The following TRIM21 variants were observed in gnomAD, a reference collection of about 807,000 sequenced individuals.
TRIM21 encodes tripartite motif containing 21.
Under a neutral mutation model 36.1 loss-of-function variants are expected in TRIM21, and 35 were observed. That is an observed-to-expected ratio of 0.97 (90% CI 0.74 to 1.28). TRIM21 has a LOEUF of 1.28. TRIM21 is among the 50% of genes most tolerant of loss of function. The pLI is 0.00. For missense variants in TRIM21, 635 were observed against 570.7 expected, an observed-to-expected ratio of 1.11 and a Z score of -1.15; for synonymous variants, 256 against 211.5, an observed-to-expected ratio of 1.21 and a Z score of -1.83.
At position 4,386,949 on chromosome 11, in the gene TRIM21, A is replaced by G; in HGVS notation, c.758+19T>C. 3 of 1,580,692 alleles carry G rather than the reference A, an allele frequency of 1.9e-6. No individual in the cohort carries two copies. Among genetic ancestry groups the G allele is most frequent in the Non-Finnish European group, 2.6e-6 (3 of 1,161,736 alleles). Reference sequence around the variant, plus strand: ...GCTTTCTGCTGGCCCCTCTTCTAACAAAGAAAACTCCTCCTTACCTTTCCA... The same window carrying G: ...GCTTTCTGCTGGCCCCTCTTCTAACGAAGAAAACTCCTCCTTACCTTTCCA... On this transcript the variant is annotated intron_variant, in intron 5 of 6. Transcript: ENST00000254436.
At position 4,390,411 on chromosome 11, in the gene TRIM21, G is replaced by T; in HGVS notation, c.-2C>A. The T allele has an allele frequency of 1.9e-6, 3 of 1,601,216 alleles. No homozygotes were observed. Among genetic ancestry groups the T allele is most frequent in the Non-Finnish European group, 2.6e-6 (3 of 1,170,234 alleles). ...TGTCAAGCGTGCTGCTGAAGCCATT[G>T]TCAAGTGTGCCGTTAAACAGCAGTG... On this transcript the variant is annotated 5_prime_UTR_variant, in exon 2 of 7. Coordinates refer to ENST00000254436, the MANE Select transcript of TRIM21 (RefSeq NM_003141.4).
chr11:4,385,044 T>C lies in TRIM21; in HGVS notation c.*241A>G, dbSNP rs2094954352. On this transcript the variant is annotated 3_prime_UTR_variant, in exon 7 of 7. Coordinates refer to ENST00000254436, the MANE Select transcript of TRIM21 (RefSeq NM_003141.4). ...TCCCATAAAGAAGGCAGAAACATGT[T>C]TTTGGTTGATCAAGATGAGTTTGGG... 1.7e-5 allele frequency: 8 copies of C among 468,882 alleles called. No individual in the cohort carries two copies. Among genetic ancestry groups the C allele is most frequent in the Non-Finnish European group, 3.0e-5 (8 of 267,346 alleles). 29.0% of individuals were successfully genotyped at this position (468,882 alleles called of 1,614,324 possible).
In TRIM21 at chr11:4,388,376, T is replaced by C. The variant is rs1173814921; in HGVS notation, c.659A>G (p.Gln220Arg). ...ILGEKEAKLAQQSQALQELIS... is the reference protein window; with the variant it reads ...ILGEKEAKLARQSQALQELIS... ...GAGCTCCTGTAGGGCCTGGCTCTGCTGGGCCAGCTTGGCCTCTTTCTCCCC... is the reference window on the plus strand; with the variant it reads ...GAGCTCCTGTAGGGCCTGGCTCTGCCGGGCCAGCTTGGCCTCTTTCTCCCC... The change falls in exon 4 of 7, where the codon CAG becomes CGG. Residue 220 changes from glutamine to arginine, a missense_variant. Gln to Arg is a conservative substitution (Grantham distance 43, BLOSUM62 1). Coordinates refer to ENST00000254436, the MANE Select transcript of TRIM21 (RefSeq NM_003141.4). The C allele has an allele frequency of 1.9e-6, 3 of 1,614,010 alleles. No individual in the cohort carries two copies. The highest frequency in any genetic ancestry group is 2.5e-6 in the Non-Finnish European group (3 of 1,179,898).
At position 4,385,427 on chromosome 11, in the gene TRIM21, A is replaced by C; in HGVS notation, c.1286T>G (p.Leu429Arg). The change falls in exon 7 of 7, where the codon CTC (leucine) becomes CGC (arginine). Residue 429 changes from leucine (L) to arginine (R), a missense_variant. Transcript: ENST00000254436. Reference sequence around the variant, plus strand: ...GGCACATTCAGAGAAGGAGTAGATGAGGGAGCCATGGTCAGTGATGTTGTA... The same window carrying C: ...GGCACATTCAGAGAAGGAGTAGATGCGGGAGCCATGGTCAGTGATGTTGTA... ...SFYNITDHGS[L>R]IYSFSECAFT... 1 of 1,613,702 alleles carries C rather than the reference A, an allele frequency of 6.2e-7. No homozygotes were observed. Among genetic ancestry groups the C allele is most frequent in the Non-Finnish European group, 8.5e-7 (1 of 1,179,812 alleles).
Position 4,390,473 on chromosome 11 carries a change from G to A in TRIM21, c.-49-15C>T. On this transcript the variant is annotated splice_polypyrimidine_tract_variant and intron_variant, in intron 1 of 6. Coordinates refer to ENST00000254436, the MANE Select transcript of TRIM21 (RefSeq NM_003141.4). ...AGGGGGTTTGGCTGGGAGAGAAGAA[G>A]AAAGGGAAAAGAGAATATGAGAAAG... 2.7e-6 allele frequency: 4 copies of A among 1,491,012 alleles called. No individual in the cohort carries two copies. Among genetic ancestry groups the A allele is most frequent in the African/African-American group, 1.4e-5 (1 of 71,412 alleles). The allele number at this position is 1,491,012 out of a possible 1,614,324, so 92.4% of individuals were successfully genotyped here.
In TRIM21 at chr11:4,385,151, G is replaced by C. The variant is rs2094954577; in HGVS notation, c.*134C>G. The stretch of plus-strand genomic sequence containing the variant: ...ATGTTGATGGTGAAGTGACTTCCCT[G>C]CTAAAGCTCGCTTGCTGGGATCCGG... On this transcript the variant is annotated 3_prime_UTR_variant, in exon 7 of 7. Transcript: ENST00000254436. 1.2e-6 allele frequency: 1 copy of C among 841,792 alleles called. No homozygotes were observed. Among genetic ancestry groups the C allele is most frequent in the Non-Finnish European group, 1.8e-6 (1 of 556,156 alleles). 52.1% of individuals were successfully genotyped at this position (841,792 alleles called of 1,614,324 possible).
In TRIM21 at chr11:4,389,722, G is replaced by T; in HGVS notation, c.436C>A (p.Leu146Met). Reference sequence around the variant, plus strand: ...TCAGCCAACTCCTGCTTTCTTCTCAGTTCCCCTAATGCCACCTGGAGCTTC... The same window carrying T: ...TCAGCCAACTCCTGCTTTCTTCTCATTTCCCCTAATGCCACCTGGAGCTTC... ...QEKLQVALGE[L>M]RRKQELAEKL... Residue 146 changes from leucine to methionine, a missense_variant, in exon 3 of 7, where the codon CTG (leucine) becomes ATG (methionine). Physicochemically the swap from Leu to Met is conservative, Grantham distance 15. Transcript: ENST00000254436. 1 of 1,613,838 alleles carries T rather than the reference G, an allele frequency of 6.2e-7. No individual in the cohort carries two copies. The highest frequency in any genetic ancestry group is 8.5e-7 in the Non-Finnish European group (1 of 1,179,864).
chr11:4,392,195 C>A (rs2094963793), intron 1 of TRIM21, among the ~76,000 whole-genome samples: 1 of 151,620 alleles, frequency 6.6e-6, no homozygotes, highest in African/African-American at 2.4e-5. Flanking sequence ...ATAAATATAC[C>A]TACTATGTGC....
chr11:4,390,040 C>T lies in TRIM21; in HGVS notation c.370G>A (p.Ala124Thr), dbSNP rs370217154. Reference sequence around the variant, plus strand: ...GCAGCCTCCTCAAGAGGGACCATGGCGTGGTCACGGTGTTTCCGAGACTGG... The same window carrying T: ...GCAGCCTCCTCAAGAGGGACCATGGTGTGGTCACGGTGTTTCCGAGACTGG... ...CAQSRKHRDH[A>T]MVPLEEAAQE... is the part of the protein sequence containing the mutation. Residue 124 changes from alanine to threonine, a missense_variant, in exon 2 of 7, where the codon GCC becomes ACC. Coordinates refer to ENST00000254436, the MANE Select transcript of TRIM21 (RefSeq NM_003141.4). 31 of 1,613,870 alleles carry T rather than the reference C, an allele frequency of 1.9e-5. No individual in the cohort carries two copies. The East Asian group carries it at 4.9e-4, about 26-fold the overall frequency.
chr11:4,385,482 G>A lies in TRIM21; in HGVS notation c.1231C>T (p.Leu411=). ...GAGACCATGCCAGCCTCATAGTCCA[G>A]GAAAATCCCAACTTGGCATGGAGGC... ...QVPPCQVGIF[L]DYEAGMVSFY... Residue 411 remains leucine, a synonymous_variant, in exon 7 of 7, where the codon CTG becomes TTG. Coordinates refer to ENST00000254436, the MANE Select transcript of TRIM21 (RefSeq NM_003141.4). 6.2e-7 allele frequency: 1 copy of A among 1,612,160 alleles called. No individual in the cohort carries two copies. The highest frequency in any genetic ancestry group is 8.5e-7 in the Non-Finnish European group (1 of 1,179,020).
rs2269330 is a variant in TRIM21, at chr11:4,385,253, A to G, written c.*32T>C. 0.063 allele frequency: 99,277 copies of G among 1,574,484 alleles called. 6,840 individuals are homozygous for G. Among genetic ancestry groups the G allele is most frequent in the East Asian group, 0.37 (16,604 of 44,404 alleles). Reference sequence around the variant, plus strand: ...GGTTTGTGGCTGAGAAGCGGTGCCAATGGGGAGAGTGGCAGTGTCCAGAGA... The same window carrying G: ...GGTTTGTGGCTGAGAAGCGGTGCCAGTGGGGAGAGTGGCAGTGTCCAGAGA... On this transcript the variant is annotated 3_prime_UTR_variant, in exon 7 of 7. Coordinates refer to ENST00000254436, the MANE Select transcript of TRIM21 (RefSeq NM_003141.4).
chr11:4,389,408 G>C (rs1297823264), intron 3 of TRIM21, among the ~76,000 whole-genome samples: 1 of 152,210 alleles, frequency 6.6e-6, no homozygotes, highest in African/African-American at 2.4e-5. Context: ...GGTATAGCTA[G>C]ATCCTCTCAG....
At position 4,385,209 on chromosome 11, in the gene TRIM21, T is replaced by C; in HGVS notation, c.*76A>G. 7.0e-7 allele frequency: 1 copy of C among 1,423,106 alleles called. No individual in the cohort carries two copies. Among genetic ancestry groups the C allele is most frequent in the South Asian group, 1.4e-5 (1 of 71,386 alleles). The allele number at this position is 1,423,106 out of a possible 1,614,324, so 88.2% of individuals were successfully genotyped here. A position where few individuals can be genotyped will look rare whatever the true frequency, so the allele number is the denominator to read the frequency against. On this transcript the variant is annotated 3_prime_UTR_variant, in exon 7 of 7. Coordinates refer to ENST00000254436, the MANE Select transcript of TRIM21 (RefSeq NM_003141.4). The stretch of plus-strand genomic sequence containing the variant: ...TGCAGAGACAAAGGTGGTTCAGAGT[T>C]CATGGGGAAAAGAGGCAGGGTTTGT...
At position 4,392,869 on chromosome 11, in the gene TRIM21, C is replaced by T. The variant is rs983701070; in HGVS notation, c.-50+764G>A. ...CCATCTCCTGTCGGGTACCAACAGG[C>T]CTCCATGTTGCTGAGAAATTATAGC... is the stretch of plus-strand genomic sequence containing the variant. On this transcript the variant is annotated intron_variant, in intron 1 of 6. Coordinates refer to ENST00000254436, the MANE Select transcript of TRIM21 (RefSeq NM_003141.4). Among the ~76,000 whole-genome samples, 107 of 152,280 alleles carry T rather than the reference C, an allele frequency of 7.0e-4. 1 individual carries two copies. The highest frequency in any genetic ancestry group is 2.6e-3 in the African/African-American group (106 of 41,556).
In TRIM21 at chr11:4,389,752, G is replaced by A; in HGVS notation, c.409-3C>T. The A allele has an allele frequency of 6.2e-7, 1 of 1,613,572 alleles. No individual in the cohort carries two copies. The highest frequency in any genetic ancestry group is 2.2e-5 in the East Asian group (1 of 44,876). On this transcript the variant is annotated splice_polypyrimidine_tract_variant and splice_region_variant and intron_variant, in intron 2 of 6. Transcript: ENST00000254436. Reference sequence around the variant, plus strand: ...CCTAATGCCACCTGGAGCTTCTCCTGCAGAGAAAGACAGCTTATTCGTCCC... The same window carrying A: ...CCTAATGCCACCTGGAGCTTCTCCTACAGAGAAAGACAGCTTATTCGTCCC...
chr11:4,392,519 A>G (rs1174243891), intron 1 of TRIM21, among the ~76,000 whole-genome samples: 1 of 149,010 alleles, frequency 6.7e-6, no homozygotes, highest in Admixed American at 6.6e-5. Context: ...GTGAGCCAAG[A>G]TTGTGCCATT....
At position 4,385,751 on chromosome 11, in the gene TRIM21, T is replaced by C. The variant is rs773682651; in HGVS notation, c.962A>G (p.Asn321Ser). ...LGDTQQSIPG[N>S]EERFDSYPMV... ...AGGATAACTATCAAATCTCTCTTCA[T>C]TTCCAGGTATGCTCTGCTGGGTGTC... The change falls in exon 7 of 7, where the codon AAT (asparagine) becomes AGT (serine). Residue 321 changes from asparagine to serine, a missense_variant. By Grantham distance (46) the Asn-to-Ser change is conservative. Transcript: ENST00000254436. 1.1e-5 allele frequency: 18 copies of C among 1,613,424 alleles called. No individual in the cohort carries two copies. Among genetic ancestry groups the C allele is most frequent in the South Asian group, 5.5e-5 (5 of 90,890 alleles).
At chr11:4,389,527 G>T in intron 3 of TRIM21, 127 bp downstream of exon 3, 1 of 798,690 alleles carries the variant, frequency 1.3e-6, no homozygotes, top group Non-Finnish European at 2.2e-6. Context: ...GCTGGCTTCT[G>T]GAGAGTGAGA....
In TRIM21 at chr11:4,388,525, T is replaced by G. The variant is rs1445766287; in HGVS notation, c.510A>C (p.Thr170=). 3 of 1,607,676 alleles carry G rather than the reference T, an allele frequency of 1.9e-6. No homozygotes were observed. The Admixed American group carries it at 5.0e-5, about 27-fold the overall frequency. ...IAIKRADWKK[T]VETQKSRIHA... ...GAATCCTAGATTTCTGTGTTTCCACTGTTTTCTTTAGTGTCAAGGGAAAGG... is the reference window on the plus strand; with the variant it reads ...GAATCCTAGATTTCTGTGTTTCCACGGTTTTCTTTAGTGTCAAGGGAAAGG... The change falls in exon 4 of 7, where the codon ACA becomes ACC. Residue 170 remains threonine, a synonymous_variant. Transcript: ENST00000254436.
Sources: allele counts gnomAD v4.1 joint callset (sites outside exome capture counted in the v4.1 genomes callset), GRCh38; gene constraint gnomAD v4.1.1; transcripts MANE v1.5; gene names NCBI Gene and HGNC (gene_info 2026-07-23, HGNC 2026-07-21).